Variants in PSMC4 observed in about 807,000 individuals in gnomAD.
The protein encoded by PSMC4 is proteasome 26S subunit, ATPase 4.
Under a neutral mutation model 48.4 loss-of-function variants are expected in PSMC4, and 13 were observed. The observed-to-expected ratio is 0.27, with a 90% CI of 0.18 to 0.43. The LOEUF is 0.43. Among genes scored for constraint, PSMC4 ranks in the 20% least tolerant of loss-of-function variants. The pLI, the probability that PSMC4 is intolerant of heterozygous loss-of-function variation, is 1.00. For missense variants in PSMC4, 262 were observed against 555.9 expected (o/e 0.47, Z 5.32); for synonymous variants, 202 against 212.3 (o/e 0.95, Z 0.42).
In PSMC4 at chr19:39,972,435, C is replaced by G; in HGVS notation, c.202C>G (p.Leu68Val). 1 of 1,614,108 alleles carries G rather than the reference C, an allele frequency of 6.2e-7. No homozygotes were observed. Among genetic ancestry groups the G allele is most frequent in the Non-Finnish European group, 8.5e-7 (1 of 1,180,012 alleles). ...EEYIKDEQKN[L>V]KKEFLHAQEE... ...ATACATCAAAGATGAGCAAAAGAAC[C>G]TGAAAAAGGAATTTCTCCATGCCCA... is the stretch of plus-strand genomic sequence containing the variant. The change falls in exon 3 of 11, where the codon CTG becomes GTG. Residue 68 changes from leucine (L) to valine (V), a missense_variant. Around this residue, in one of 4 missense-constraint regions of PSMC4, gnomAD observed 131 missense variants for 276.7 expected, o/e 0.47. Transcript: ENST00000157812.
At position 39,979,743 on chromosome 19, in the gene PSMC4, C is replaced by T. The variant is rs528332091; in HGVS notation, c.674-74C>T. 4.7e-5 allele frequency: 65 copies of T among 1,392,720 alleles called. No homozygotes were observed. The African/African-American group carries it at 5.7e-4, about 12-fold the overall frequency. 86.3% of individuals were successfully genotyped at this position (1,392,720 alleles called of 1,614,324 possible). A position where few individuals can be genotyped will look rare whatever the true frequency, so the allele number is the denominator to read the frequency against. On this transcript the variant is annotated intron_variant, in intron 6 of 10. Transcript: ENST00000157812. ...AGGAAAAGGATGTCTTCAAGGAATTCGCAGTTTCTGTTAAAGCAGAATGGG... is the reference window on the plus strand; with the variant it reads ...AGGAAAAGGATGTCTTCAAGGAATTTGCAGTTTCTGTTAAAGCAGAATGGG...
At chr19:39,972,281 C>G (rs373742347) in intron 2 of PSMC4, 37 bp downstream of exon 2, 1 of 1,610,674 alleles carries the variant, frequency 6.2e-7, no homozygotes, top group Non-Finnish European at 8.5e-7. Flanking sequence ...TGCACAGGAC[C>G]TGACATCTCA....
intron 3 of PSMC4, among the ~76,000 whole-genome samples, chr19:39,973,388 AGGCTG>A (rs1460835977): frequency 6.6e-6 from 1 of 152,114 alleles, no homozygotes; most frequent in African/African-American, 2.4e-5. Context: ...GTTTGAGACC[AGGCTG>A]GGCAACATGG....
rs1214421751 is a variant in PSMC4 at position 39,974,824 on chromosome 19, A to C, written c.669A>C (p.Thr223=). The C allele has an allele frequency of 6.2e-7, 1 of 1,613,502 alleles. No individual in the cohort carries two copies. The highest frequency in any genetic ancestry group is 1.1e-5 in the South Asian group (1 of 91,068). ...TGGCAAAGGCGGTGGCACATCACACAACAGGTGAGCCCTTTCGCCCCTGCC... is the reference window on the plus strand; with the variant it reads ...TGGCAAAGGCGGTGGCACATCACACCACAGGTGAGCCCTTTCGCCCCTGCC... ...TMLAKAVAHH[T]TAAFIRVVGS... is the part of the protein sequence containing the mutation. Residue 223 remains threonine, a synonymous_variant, in exon 6 of 11, where the codon ACA becomes ACC. Coordinates refer to ENST00000157812, the MANE Select transcript of PSMC4 (RefSeq NM_006503.4). This position sits in a 1 kb window ranked among gnomAD's most constrained non-coding sequence, Gnocchi z 5.5.
intron 10 of PSMC4, 135 bp from the exon 11 acceptor site, chr19:39,981,057 A>T (rs568399153): frequency 7.5e-6 from 5 of 670,728 alleles, no homozygotes; most frequent in African/African-American, 7.1e-5. Flanking sequence ...GGGTTTCACC[A>T]TGTTGCCCAG....
chr19:39,981,225 A>G lies in PSMC4; in HGVS notation c.1177A>G (p.Ile393Val), dbSNP rs374359098. 2.5e-6 allele frequency: 4 copies of G among 1,614,068 alleles called. No individual in the cohort carries two copies. The highest frequency in any genetic ancestry group is 2.2e-5 in the South Asian group (2 of 91,082). The change falls in exon 11 of 11, where the codon ATT (isoleucine) becomes GTT (valine). Residue 393 changes from isoleucine (I) to valine (V), a missense_variant. By Grantham distance (29) the Ile-to-Val change is conservative. This residue lies in a region of PSMC4 where 84 missense variants were observed against 157.8 expected (regional missense o/e 0.53). Transcript: ENST00000157812. ...GMLAVRENRYIVLAKDFEKAY... is the reference protein window; with the variant it reads ...GMLAVRENRYVVLAKDFEKAY... ...GTTGGCTGTCCGTGAAAACCGCTACATTGTCCTGGCCAAGGACTTCGAGAA... is the reference window on the plus strand; with the variant it reads ...GTTGGCTGTCCGTGAAAACCGCTACGTTGTCCTGGCCAAGGACTTCGAGAA...
Position 39,972,540 on chromosome 19 carries a change from G to A in PSMC4, c.307G>A (p.Val103Met). The change falls in exon 3 of 11, where the codon GTG becomes ATG. Residue 103 changes from valine (V) to methionine (M), a missense_variant. Val to Met is a conservative substitution (Grantham distance 21, BLOSUM62 1). This residue lies in a region of PSMC4 where 131 missense variants were observed against 276.7 expected (regional missense o/e 0.47). Transcript: ENST00000157812. Reference protein sequence around the residue: ...LEAVDQNTAIVGSTTGSNYYV... With the variant: ...LEAVDQNTAIMGSTTGSNYYV... Reference sequence around the variant, plus strand: ...GGCTGTGGATCAGAATACAGCCATCGTGGGCTCTACCACAGGTGTGCTAAG... The same window carrying A: ...GGCTGTGGATCAGAATACAGCCATCATGGGCTCTACCACAGGTGTGCTAAG... 1.9e-6 allele frequency: 3 copies of A among 1,612,876 alleles called. No homozygotes were observed. The highest frequency in any genetic ancestry group is 1.7e-5 in the Admixed American group (1 of 59,940).
chr19:39,977,797 G>A (rs531892291), intron 6 of PSMC4, among the ~76,000 whole-genome samples: 55 of 151,120 alleles, frequency 3.6e-4, no homozygotes, highest in South Asian at 2.2e-4. Flanking sequence ...ACTCCAGCCC[G>A]GCCAATAGTG....
chr19:39,971,177 G>A lies in PSMC4; in HGVS notation c.-26G>A. 6.2e-7 allele frequency: 1 copy of A among 1,613,948 alleles called. No individual in the cohort carries two copies. Among genetic ancestry groups the A allele is most frequent in the Non-Finnish European group, 8.5e-7 (1 of 1,179,868 alleles). ...CGGAAGCGGTGACAGATCATCCCAG[G>A]CCACACAGAGGCCGGCTTGGTCACT... On this transcript the variant is annotated 5_prime_UTR_variant, in exon 1 of 11. Coordinates refer to ENST00000157812, the MANE Select transcript of PSMC4 (RefSeq NM_006503.4).
At chr19:39,978,755 GT>G (rs1422041330) in intron 6 of PSMC4, among the ~76,000 whole-genome samples, 3 of 152,174 alleles carry the variant, frequency 2.0e-5, no homozygotes, top group African/African-American at 7.2e-5. Context: ...GGTGGCTCAT[GT>G]CTATAATCCC....
rs749752680 is a variant in PSMC4 at position 39,972,449 on chromosome 19, T to C, written c.216T>C (p.Phe72=). The C allele has an allele frequency of 2.5e-5, 40 of 1,613,956 alleles. No homozygotes were observed. The highest frequency in any genetic ancestry group is 3.2e-5 in the Non-Finnish European group (38 of 1,180,028). ...KDEQKNLKKE[F]LHAQEEVKRI... is the part of the protein sequence containing the mutation. ...AGCAAAAGAACCTGAAAAAGGAATT[T>C]CTCCATGCCCAGGAGGAGGTGAAGC... The change falls in exon 3 of 11, where the codon TTT becomes TTC. Residue 72 remains phenylalanine (F), a synonymous_variant. Transcript: ENST00000157812.
intron 6 of PSMC4, among the ~76,000 whole-genome samples, chr19:39,975,405 C>T (rs752052624): frequency 3.9e-5 from 6 of 151,962 alleles, no homozygotes; most frequent in Non-Finnish European, 7.4e-5. Context: ...GTGCCTGGCC[C>T]CAAAAATGTA....
In PSMC4 at chr19:39,981,742, C is replaced by G. The variant is rs1395022351; in HGVS notation, c.*437C>G. ...TTGGGAGTTCATAGGAAGGAGATGT[C>G]CAGTGCTGTCCAGTAGAACTTTGCA... On this transcript the variant is annotated 3_prime_UTR_variant, in exon 11 of 11. Coordinates refer to ENST00000157812, the MANE Select transcript of PSMC4 (RefSeq NM_006503.4). Among the ~76,000 whole-genome samples the G allele has an allele frequency of 1.3e-5, 2 of 152,058 alleles. No individual in the cohort carries two copies. Among genetic ancestry groups the G allele is most frequent in the Non-Finnish European group, 2.9e-5 (2 of 68,016 alleles).
intron 2 of PSMC4, 24 bp from the exon 3 acceptor site, chr19:39,972,345 C>T: frequency 6.2e-7 from 1 of 1,612,922 alleles, no homozygotes; most frequent in Non-Finnish European, 8.5e-7. Context: ...GAGCCATCCC[C>T]TTCTGTCCCC....
Position 39,974,612 on chromosome 19 carries a change from G to A in PSMC4, c.558G>A (p.Thr186=), listed in dbSNP as rs1971166911. Residue 186 remains threonine (T), a synonymous_variant, in exon 5 of 11, where the codon ACG becomes ACA. Coordinates refer to ENST00000157812, the MANE Select transcript of PSMC4 (RefSeq NM_006503.4). This position sits in a 1 kb window ranked among gnomAD's most constrained non-coding sequence, Gnocchi z 5.5. ...EVREAVELPL[T]HFELYKQIGI... is the part of the protein sequence containing the mutation. The stretch of plus-strand genomic sequence containing the variant: ...GGGAGGCCGTGGAGCTCCCGCTCAC[G>A]CATTTCGAGCTCTACAAGCAGGTGA... 3.7e-6 allele frequency: 6 copies of A among 1,614,080 alleles called. No individual in the cohort carries two copies. The highest frequency in any genetic ancestry group is 3.3e-5 in the Admixed American group (2 of 60,018).
Position 39,979,863 on chromosome 19 carries a change from G to A in PSMC4, c.720G>A (p.Leu240=). 1 of 1,614,128 alleles carries A rather than the reference G, an allele frequency of 6.2e-7. No individual in the cohort carries two copies. ...VVGSEFVQKY[L]GEGPRMVRDV... ...GCTCGGAGTTTGTACAGAAGTATCT[G>A]GGTGAGGGCCCCCGCATGGTCCGGG... Residue 240 remains leucine (L), a synonymous_variant, in exon 7 of 11, where the codon CTG becomes CTA. Coordinates refer to ENST00000157812, the MANE Select transcript of PSMC4 (RefSeq NM_006503.4).
chr19:39,973,477 A>C (rs424353), intron 3 of PSMC4, among the ~76,000 whole-genome samples: 1 of 151,214 alleles, frequency 6.6e-6, no homozygotes, highest in Admixed American at 6.6e-5. Context: ...CCAGCTACGC[A>C]GGTGGTTGAG....
chr19:39,974,275 C>T lies in PSMC4; in HGVS notation c.323-19C>T, dbSNP rs2144613000. 6.2e-7 allele frequency: 1 copy of T among 1,613,052 alleles called. No homozygotes were observed. Among genetic ancestry groups the T allele is most frequent in the East Asian group, 2.2e-5 (1 of 44,860 alleles). ...TTTCCAGGCTGACACTTCTCGTTTT[C>T]CTCTCTCCCTTCTCGCAGGCTCCAA... On this transcript the variant is annotated intron_variant, in intron 3 of 10. Coordinates refer to ENST00000157812, the MANE Select transcript of PSMC4 (RefSeq NM_006503.4). The surrounding 1 kb of genome is among the most constrained non-coding windows in gnomAD (Gnocchi z 5.5).
rs1317420823 is a variant in PSMC4 at position 39,972,133 on chromosome 19, C to A, written c.37-13C>A. On this transcript the variant is annotated splice_polypyrimidine_tract_variant and intron_variant, in intron 1 of 10. Coordinates refer to ENST00000157812, the MANE Select transcript of PSMC4 (RefSeq NM_006503.4). ...CTGTCTTCTTCCAATGTGAGTTATC[C>A]CCTTTCGTCTAGGATGAGATCCCAG... The A allele has an allele frequency of 7.5e-6, 12 of 1,607,544 alleles. No homozygotes were observed. The highest frequency in any genetic ancestry group is 1.0e-5 in the Non-Finnish European group (12 of 1,174,444).
Sources: allele counts gnomAD v4.1 joint callset (sites outside exome capture counted in the v4.1 genomes callset), GRCh38; gene constraint gnomAD v4.1.1; regional missense constraint gnomAD v4.1.1; non-coding constraint Gnocchi (gnomAD v3.1); transcripts MANE v1.5; gene names NCBI Gene and HGNC (gene_info 2026-07-23, HGNC 2026-07-21).